Variants in OLA1 observed in about 807,000 individuals in gnomAD.
The protein encoded by OLA1 is obg-like ATPase 1.
In OLA1, 14 loss-of-function variants were observed where a neutral mutation model predicts 48.4. That is an observed-to-expected ratio of 0.29 (90% confidence interval 0.19 to 0.45). OLA1 has a LOEUF of 0.45. Among genes scored for constraint, OLA1 ranks in the 20% least tolerant of loss-of-function variants. The pLI, the probability that OLA1 is intolerant of heterozygous loss-of-function variation, is 1.00. For missense variants in OLA1, 325 were observed against 467.1 expected (o/e 0.70, Z 2.80); for synonymous variants, 127 against 150.4 (o/e 0.84, Z 1.14).
chr2:174,241,914 G>C (rs1276974769), intron 2 of OLA1, among the ~76,000 whole-genome samples: 1 of 152,230 alleles, frequency 6.6e-6, no homozygotes, highest in Non-Finnish European at 1.5e-5. Flanking sequence ...GGGATTACAG[G>C]CGTGAGCCTC....
intron 7 of OLA1, among the ~76,000 whole-genome samples, chr2:174,085,204 T>C (rs113590059): frequency 3.3e-5 from 5 of 152,294 alleles, no homozygotes; most frequent in African/African-American, 1.2e-4. Context: ...GATGATACTT[T>C]GAGATACACT....
At chr2:174,162,058 T>C (rs1189657552) in intron 4 of OLA1, among the ~76,000 whole-genome samples, 1 of 151,936 alleles carries the variant, frequency 6.6e-6, no homozygotes. Flanking sequence ...GCAGGAAAAG[T>C]GAGCAAAAGG....
intron 3 of OLA1, among the ~76,000 whole-genome samples, chr2:174,227,665 G>A (rs1010152925): frequency 2.0e-5 from 3 of 152,196 alleles, no homozygotes; most frequent in African/African-American, 7.2e-5. Flanking sequence ...GATATAATTT[G>A]AGCATCAAAT....
chr2:174,081,156 A>G lies in OLA1; in HGVS notation c.962T>C (p.Ile321Thr). The change falls in exon 9 of 11, where the codon ATC becomes ACC. Residue 321 changes from isoleucine (I) to threonine (T), a missense_variant. Ile to Thr is a moderately conservative substitution (Grantham distance 89, BLOSUM62 -1). Transcript: ENST00000284719. ...AGPDEVRAWT[I>T]RKGTKAPQAA... is the part of the protein sequence containing the mutation. ...ATGAATAAGTATGAATCTTACCCTGATGGTCCATGCACGCACTTCATCTGG... is the reference window on the plus strand; with the variant it reads ...ATGAATAAGTATGAATCTTACCCTGGTGGTCCATGCACGCACTTCATCTGG... 2 of 1,610,670 alleles carry G rather than the reference A, an allele frequency of 1.2e-6. No individual in the cohort carries two copies.
chr2:174,086,221 C>A (rs1684973726), intron 7 of OLA1, among the ~76,000 whole-genome samples: 1 of 152,128 alleles, frequency 6.6e-6, no homozygotes, highest in Admixed American at 6.5e-5. Flanking sequence ...CTGAGAATAA[C>A]AGTTTCCTCC....
intron 4 of OLA1, among the ~76,000 whole-genome samples, chr2:174,202,753 A>C (rs1688019272): frequency 6.6e-6 from 1 of 152,150 alleles, no homozygotes; most frequent in Non-Finnish European, 1.5e-5. Flanking sequence ...CAGTACTGTA[A>C]ATTATTTTCC....
chr2:174,152,444 C>T (rs1447066466), intron 4 of OLA1, among the ~76,000 whole-genome samples: 1 of 151,920 alleles, frequency 6.6e-6, no homozygotes, highest in Non-Finnish European at 1.5e-5. Context: ...GGGAGAAGAG[C>T]ATCTCAATTT....
chr2:174,110,864 G>A (rs1204614223), intron 7 of OLA1, among the ~76,000 whole-genome samples: 1 of 152,158 alleles, frequency 6.6e-6, no homozygotes, highest in African/African-American at 2.4e-5. Flanking sequence ...TTACAGGAGT[G>A]AGCCACTGCA....
intron 5 of OLA1, among the ~76,000 whole-genome samples, chr2:174,136,601 G>C (rs1362038192): frequency 1.3e-5 from 2 of 151,940 alleles, no homozygotes; most frequent in African/African-American, 4.8e-5. Flanking sequence ...TCATCCATGT[G>C]GGTTTGGAAT....
intron 4 of OLA1, among the ~76,000 whole-genome samples, chr2:174,214,983 G>A (rs1215371425): frequency 1.3e-5 from 2 of 151,830 alleles, no homozygotes; most frequent in African/African-American, 4.8e-5. Flanking sequence ...CCAGGAGGTG[G>A]AGGTTGCAGT....
Position 174,095,852 on chromosome 2 carries a change from TA to T in OLA1, c.729-13789del, listed in dbSNP as rs1407897519. Among the ~76,000 whole-genome samples the T allele has an allele frequency of 9.2e-5, 14 of 152,142 alleles. No individual in the cohort carries two copies. In the East Asian group the frequency reaches 2.5e-3, roughly 27 times the overall value. On this transcript the variant is annotated intron_variant, in intron 7 of 10. Coordinates refer to ENST00000284719, the MANE Select transcript of OLA1 (RefSeq NM_013341.5). The stretch of plus-strand genomic sequence containing the variant: ...ACGATAAAAAGACAGAAATTAAGTT[TA>T]AAAATAGGCAAATAATTTGAATAGA...
At chr2:174,197,355 C>A (rs900470259) in intron 4 of OLA1, among the ~76,000 whole-genome samples, 1 of 152,114 alleles carries the variant, frequency 6.6e-6, no homozygotes, top group African/African-American at 2.4e-5. Flanking sequence ...AGCATTCCCC[C>A]CTACTACCAC....
At chr2:174,135,200 C>CCAAACAGG (rs1179617265) in intron 5 of OLA1, among the ~76,000 whole-genome samples, 6 of 150,144 alleles carry the variant, frequency 4.0e-5, no homozygotes, top group African/African-American at 1.5e-4. Flanking sequence ...TGGAAGAGCA[C>CCAAACAGG]CAAACAGGTA....
intron 4 of OLA1, among the ~76,000 whole-genome samples, chr2:174,193,841 G>A (rs184765381): frequency 2.6e-5 from 4 of 152,254 alleles, no homozygotes; most frequent in Non-Finnish European, 4.4e-5. Flanking sequence ...GGTGAGAAAT[G>A]GTTGGGGGCC....
chr2:174,144,267 C>A lies in OLA1; in HGVS notation c.374-2267G>T, dbSNP rs114416900. Among the ~76,000 whole-genome samples, 1,206 of 152,180 alleles carry A rather than the reference C, an allele frequency of 7.9e-3. 17 individuals are homozygous for A. Among genetic ancestry groups the A allele is most frequent in the African/African-American group, 0.027 (1,135 of 41,520 alleles). On this transcript the variant is annotated intron_variant, in intron 4 of 10. Coordinates refer to ENST00000284719, the MANE Select transcript of OLA1 (RefSeq NM_013341.5). Reference sequence around the variant, plus strand: ...TAAGAAAAAAACTCAAGCCACAGACCTTACATATGCTGGTGGCACTGTTGC... The same window carrying A: ...TAAGAAAAAAACTCAAGCCACAGACATTACATATGCTGGTGGCACTGTTGC...
chr2:174,210,565 T>C (rs1688218691), intron 4 of OLA1, among the ~76,000 whole-genome samples: 1 of 152,130 alleles, frequency 6.6e-6, no homozygotes, highest in Non-Finnish European at 1.5e-5. Flanking sequence ...TGTAAACACA[T>C]AATTAAATCA....
chr2:174,173,091 C>T (rs1687344556), intron 4 of OLA1, among the ~76,000 whole-genome samples: 1 of 152,222 alleles, frequency 6.6e-6, no homozygotes, highest in East Asian at 1.9e-4. Context: ...CCAAAATAAA[C>T]TTATTTTGTT....
At chr2:174,228,217 T>C (rs1347812635) in intron 3 of OLA1, among the ~76,000 whole-genome samples, 2 of 152,152 alleles carry the variant, frequency 1.3e-5, no homozygotes, top group African/African-American at 4.8e-5. Context: ...CTGGGATTTA[T>C]CAGGACATTA....
chr2:174,191,842 A>T (rs1397898599), intron 4 of OLA1, among the ~76,000 whole-genome samples: 1 of 152,202 alleles, frequency 6.6e-6, no homozygotes, highest in Non-Finnish European at 1.5e-5. Context: ...CCTCATGCAC[A>T]TGTTTATGGC....
Sources: allele counts gnomAD v4.1 joint callset (sites outside exome capture counted in the v4.1 genomes callset), GRCh38; gene constraint gnomAD v4.1.1; transcripts MANE v1.5; gene names NCBI Gene and HGNC (gene_info 2026-07-23, HGNC 2026-07-21).